TMPRSS12: variants seen among roughly 807,000 people sequenced by gnomAD.
The protein encoded by TMPRSS12 is transmembrane protease serine 12.
Under a neutral mutation model 26.0 loss-of-function variants are expected in TMPRSS12, and 25 were observed. The observed-to-expected ratio is 0.96, with a 90% CI of 0.70 to 1.34. TMPRSS12 has a LOEUF of 1.34. TMPRSS12 is among the 40% of genes most tolerant of loss of function. The pLI is 0.00. For synonymous variants in TMPRSS12, 150 were observed against 161.7 expected, an observed-to-expected ratio of 0.93 and a Z score of 0.55; for missense variants, 441 against 440.1, an observed-to-expected ratio of 1.00 and a Z score of -0.02.
chr12:50,862,408 A>G (rs972430390), intron 3 of TMPRSS12, among the ~76,000 whole-genome samples: 19 of 152,240 alleles, frequency 1.2e-4, no homozygotes, highest in African/African-American at 4.6e-4. Flanking sequence ...AGGCCTTGGA[A>G]GGAAATGGTT....
chr12:50,848,356 T>C (rs1285149060), intron 2 of TMPRSS12: 2 of 152,240 alleles, frequency 1.3e-5, no homozygotes, highest in African/African-American at 4.8e-5. Context: ...GAAATCGGTT[T>C]AGTCTCTAAG....
At chr12:50,871,703 C>G (rs1206310873) in intron 3 of TMPRSS12, among the ~76,000 whole-genome samples, 1 of 152,064 alleles carries the variant, frequency 6.6e-6, no homozygotes, top group Non-Finnish European at 1.5e-5. Context: ...TGACAAAGGA[C>G]TAATATCCAG....
intron 3 of TMPRSS12, among the ~76,000 whole-genome samples, chr12:50,866,961 T>C (rs1279487673): frequency 6.6e-6 from 1 of 152,060 alleles, no homozygotes; most frequent in African/African-American, 2.4e-5. Flanking sequence ...GAACACTCAA[T>C]GGATAAAAGA....
chr12:50,876,282 T>C (rs1163025849), intron 3 of TMPRSS12, among the ~76,000 whole-genome samples: 2 of 152,192 alleles, frequency 1.3e-5, no homozygotes, highest in Non-Finnish European at 2.9e-5. Flanking sequence ...AAGGAATGCT[T>C]ACACACTGCT....
At chr12:50,857,778 GGTTTA>G (rs1365842208) in intron 2 of TMPRSS12, among the ~76,000 whole-genome samples, 1 of 150,168 alleles carries the variant, frequency 6.7e-6, no homozygotes, top group African/African-American at 2.5e-5. Context: ...ATTTTTTTCT[GGTTTA>G]GTTTTTTGTT....
chr12:50,876,624 G>A (rs529670228), intron 3 of TMPRSS12, among the ~76,000 whole-genome samples: 160 of 152,018 alleles, frequency 1.1e-3, no homozygotes, highest in Non-Finnish European at 1.7e-3. Flanking sequence ...CTAACACGGC[G>A]AAACCCCGTC....
intron 3 of TMPRSS12, among the ~76,000 whole-genome samples, chr12:50,862,094 C>G (rs1014276449): frequency 1.3e-5 from 2 of 152,194 alleles, no homozygotes; most frequent in African/African-American, 4.8e-5. Context: ...AGGCGTGAGC[C>G]AGGTGCACCC....
chr12:50,858,545 G>A (rs1011807707), intron 2 of TMPRSS12, among the ~76,000 whole-genome samples: 1 of 152,068 alleles, frequency 6.6e-6, no homozygotes, highest in Non-Finnish European at 1.5e-5. Flanking sequence ...GGTACAAAAT[G>A]CTGCCTTAAT....
rs1167913789 is a variant in TMPRSS12, at chr12:50,859,060, A to G, written c.652+7A>G. The G allele has an allele frequency of 3.8e-6, 6 of 1,563,854 alleles. No individual in the cohort carries two copies. The Admixed American group carries it at 6.1e-5, about 16-fold the overall frequency. On this transcript the variant is annotated splice_region_variant and intron_variant, in intron 3 of 4. Coordinates refer to ENST00000398458, the MANE Select transcript of TMPRSS12 (RefSeq NM_182559.3). ...GGAAGAACAAAAGAAGAAGGTAATTATGGTCTGAATTTTACTGATACACAT... is the reference window on the plus strand; with the variant it reads ...GGAAGAACAAAAGAAGAAGGTAATTGTGGTCTGAATTTTACTGATACACAT...
intron 2 of TMPRSS12, among the ~76,000 whole-genome samples, chr12:50,850,443 G>T (rs551831577): frequency 1.3e-5 from 2 of 152,236 alleles, no homozygotes; most frequent in South Asian, 4.2e-4. Context: ...AGCCCGGTAT[G>T]GTGGCTTATG....
chr12:50,855,727 A>G lies in TMPRSS12; in HGVS notation c.384-3058A>G, dbSNP rs535238866. Among the ~76,000 whole-genome samples the G allele has an allele frequency of 2.0e-5, 3 of 152,358 alleles. No individual in the cohort carries two copies. The South Asian group carries it at 6.2e-4, about 32-fold the overall frequency. Reference sequence around the variant, plus strand: ...TGGATATACACCTAAAGAAATATAAATAATTCTACCATAAAGACACATGCA... The same window carrying G: ...TGGATATACACCTAAAGAAATATAAGTAATTCTACCATAAAGACACATGCA... On this transcript the variant is annotated intron_variant, in intron 2 of 4. Transcript: ENST00000398458.
chr12:50,850,982 G>T (rs540490527), intron 2 of TMPRSS12, among the ~76,000 whole-genome samples: 1 of 152,132 alleles, frequency 6.6e-6, no homozygotes, highest in Non-Finnish European at 1.5e-5. Context: ...AATGATGCCA[G>T]TTGACTAAAC....
chr12:50,882,031 ATATATATAT>A (rs1938178961), intron 3 of TMPRSS12, among the ~76,000 whole-genome samples: 1 of 113,800 alleles, frequency 8.8e-6, no homozygotes, highest in African/African-American at 3.3e-5. Flanking sequence ...ATATATATAT[ATATATATAT>A]ATGTTTATTT....
intron 3 of TMPRSS12, among the ~76,000 whole-genome samples, chr12:50,882,036 T>C (rs1198585282): frequency 3.3e-5 from 4 of 119,422 alleles, no homozygotes; most frequent in Non-Finnish European, 6.8e-5. Context: ...TATATATATA[T>C]ATATATGTTT....
At chr12:50,872,374 G>A (rs549621546) in intron 3 of TMPRSS12, among the ~76,000 whole-genome samples, 3 of 149,554 alleles carry the variant, frequency 2.0e-5, no homozygotes, top group Admixed American at 6.7e-5. Flanking sequence ...TTAGCCGGGC[G>A]CGGTGGCGGG....
chr12:50,876,352 C>T (rs1264555476), intron 3 of TMPRSS12, among the ~76,000 whole-genome samples: 2 of 152,186 alleles, frequency 1.3e-5, no homozygotes, highest in Admixed American at 6.5e-5. Flanking sequence ...TCTCAAAGAA[C>T]TTAAACCAGA....
intron 2 of TMPRSS12, among the ~76,000 whole-genome samples, chr12:50,854,487 G>C (rs1937857537): frequency 6.6e-6 from 1 of 152,096 alleles, no homozygotes; most frequent in Admixed American, 6.6e-5. Context: ...AGAAATAAAA[G>C]GCATCCAAAT....
intron 3 of TMPRSS12, among the ~76,000 whole-genome samples, chr12:50,859,449 C>G (rs1246247735): frequency 6.6e-6 from 1 of 152,174 alleles, no homozygotes; most frequent in East Asian, 1.9e-4. Flanking sequence ...CTCCCAACCT[C>G]AGGTGATCTG....
At chr12:50,855,534 A>G (rs533236497) in intron 2 of TMPRSS12, among the ~76,000 whole-genome samples, 28 of 152,346 alleles carry the variant, frequency 1.8e-4, no homozygotes, top group African/African-American at 6.3e-4. Context: ...CAGAATGGCT[A>G]TTCTTAAAAA....
Sources: allele counts gnomAD v4.1 joint callset (sites outside exome capture counted in the v4.1 genomes callset), GRCh38; gene constraint gnomAD v4.1.1; transcripts MANE v1.5; gene names NCBI Gene and HGNC (gene_info 2026-07-23, HGNC 2026-07-21).